The following CNTNAP2 variants were observed in gnomAD, a reference collection of about 807,000 sequenced individuals.
The protein encoded by CNTNAP2 is contactin-associated protein-like 2.
CNTNAP2 carries 98 observed loss-of-function variants against 155.2 expected under a neutral mutation model. That is an observed-to-expected ratio of 0.63 (90% CI 0.54 to 0.75). The LOEUF is 0.75. CNTNAP2 is among the 30% of genes least tolerant of loss of function. CNTNAP2 has a pLI of 0.00. For synonymous variants in CNTNAP2, 651 were observed against 631.2 expected, an observed-to-expected ratio of 1.03 and a Z score of -0.47; for missense variants, 1,727 against 1,688.1, an observed-to-expected ratio of 1.02 and a Z score of -0.40.
chr7:148,033,383 ATG>A (rs1338943120), intron 15 of CNTNAP2, among the ~76,000 whole-genome samples: 1 of 148,946 alleles, frequency 6.7e-6, no homozygotes, highest in Non-Finnish European at 1.5e-5. Flanking sequence ...AATGGGATAC[ATG>A]TTCAGAACGT....
chr7:148,059,149 G>A (rs980598391), intron 15 of CNTNAP2, among the ~76,000 whole-genome samples: 9 of 152,076 alleles, frequency 5.9e-5, no homozygotes, highest in Admixed American at 3.3e-4. Flanking sequence ...TTAGCTGGGC[G>A]TGGTGGTACA....
chr7:147,120,776 T>C (rs1235685570), intron 5 of CNTNAP2, among the ~76,000 whole-genome samples: 2 of 151,396 alleles, frequency 1.3e-5, no homozygotes, highest in African/African-American at 4.9e-5. Context: ...ATGCTATCCC[T>C]CCCCCCTACC....
chr7:147,051,021 A>G (rs993382316), intron 4 of CNTNAP2, among the ~76,000 whole-genome samples: 1 of 151,870 alleles, frequency 6.6e-6, no homozygotes, highest in Non-Finnish European at 1.5e-5. Flanking sequence ...TTCTAAGGAC[A>G]TCGGTTATTG....
intron 1 of CNTNAP2, among the ~76,000 whole-genome samples, chr7:146,708,398 G>A (rs1401468087): frequency 6.6e-6 from 1 of 151,496 alleles, no homozygotes; most frequent in Admixed American, 6.6e-5. Context: ...GCATTTTTTT[G>A]TGGTTCTCTC....
intron 1 of CNTNAP2, among the ~76,000 whole-genome samples, chr7:146,480,250 A>C (rs1044949353): frequency 6.6e-6 from 1 of 152,160 alleles, no homozygotes; most frequent in African/African-American, 2.4e-5. Context: ...TAAATTTCTA[A>C]AACGAAATTG....
chr7:148,410,806 T>C (rs539881264), intron 23 of CNTNAP2, among the ~76,000 whole-genome samples: 1 of 151,956 alleles, frequency 6.6e-6, no homozygotes. Flanking sequence ...GGAAGGAGAA[T>C]GAAGAGAAGT....
At chr7:146,259,815 G>A (rs910314379) in intron 1 of CNTNAP2, among the ~76,000 whole-genome samples, 1 of 152,198 alleles carries the variant, frequency 6.6e-6, no homozygotes, top group Non-Finnish European at 1.5e-5. Context: ...ATTTTCTTGG[G>A]AGAAATTCAA....
At chr7:147,072,755 AT>A (rs1438186590) in intron 4 of CNTNAP2, among the ~76,000 whole-genome samples, 2 of 151,928 alleles carry the variant, frequency 1.3e-5, no homozygotes, top group African/African-American at 4.8e-5. Flanking sequence ...AGAGACTCAG[AT>A]TTAAAGAAAG....
chr7:147,035,255 A>G (rs1407924397), intron 3 of CNTNAP2, among the ~76,000 whole-genome samples: 1 of 152,202 alleles, frequency 6.6e-6, no homozygotes, highest in Non-Finnish European at 1.5e-5. Flanking sequence ...CAGAGACTCC[A>G]GGGGAAGAGG....
intron 1 of CNTNAP2, among the ~76,000 whole-genome samples, chr7:146,576,454 T>G (rs1452442630): frequency 6.6e-6 from 1 of 152,166 alleles, no homozygotes; most frequent in African/African-American, 2.4e-5. Context: ...ACCCAGAGTG[T>G]GAGCAGGAGT....
chr7:148,128,515 A>G (rs1025042689), intron 16 of CNTNAP2, among the ~76,000 whole-genome samples: 1 of 152,202 alleles, frequency 6.6e-6, no homozygotes, highest in Non-Finnish European at 1.5e-5. Context: ...AGCTTTTCAT[A>G]TAATAGCTTT....
chr7:147,904,791 T>C (rs1257418683), intron 14 of CNTNAP2, among the ~76,000 whole-genome samples: 3 of 152,238 alleles, frequency 2.0e-5, no homozygotes, highest in African/African-American at 7.2e-5. Context: ...AATGTGTGTG[T>C]ATATGTGTGT....
At chr7:146,544,116 G>T (rs956121340) in intron 1 of CNTNAP2, among the ~76,000 whole-genome samples, 10 of 151,948 alleles carry the variant, frequency 6.6e-5, no homozygotes, top group African/African-American at 2.4e-4. Context: ...GGACAATTCT[G>T]AGTGATAATT....
intron 22 of CNTNAP2, among the ~76,000 whole-genome samples, chr7:148,405,714 C>G: frequency 7.4e-6 from 1 of 135,320 alleles, no homozygotes; most frequent in South Asian, 2.5e-4. Context: ...CTCCCAGGTT[C>G]AAGTGATTCT....
intron 15 of CNTNAP2, among the ~76,000 whole-genome samples, chr7:148,061,366 T>C (rs1803125810): frequency 6.6e-6 from 1 of 152,126 alleles, no homozygotes; most frequent in Admixed American, 6.5e-5. Flanking sequence ...TTATTATTTA[T>C]TTTTTGAGAC....
At chr7:147,361,145 G>T (rs1296233194) in intron 9 of CNTNAP2, among the ~76,000 whole-genome samples, 1 of 152,168 alleles carries the variant, frequency 6.6e-6, no homozygotes, top group Non-Finnish European at 1.5e-5. Context: ...TAATCTGGAA[G>T]TCCAAGGACA....
chr7:147,316,992 T>C (rs553939012), intron 9 of CNTNAP2, among the ~76,000 whole-genome samples: 10 of 152,352 alleles, frequency 6.6e-5, no homozygotes, highest in Admixed American at 3.3e-4. Flanking sequence ...GAATGTGCCA[T>C]TGCCCTCCAT....
At chr7:146,233,589 A>G (rs145741344) in intron 1 of CNTNAP2, among the ~76,000 whole-genome samples, 4,813 of 152,156 alleles carry the variant, frequency 0.032, 246 homozygotes, top group African/African-American at 0.11. Context: ...AGCATTAGGT[A>G]TATCTCCTAA....
At chr7:146,969,530 T>A (rs903229029) in intron 3 of CNTNAP2, among the ~76,000 whole-genome samples, 4 of 152,182 alleles carry the variant, frequency 2.6e-5, no homozygotes, top group Non-Finnish European at 5.9e-5. Flanking sequence ...GATAGTTAGC[T>A]CTTCTTGTTG....
Sources: gnomAD v4.1 joint callset for allele counts (sites outside exome capture counted in the v4.1 genomes callset) on GRCh38, gnomAD v4.1.1 for gene constraint, MANE v1.5 for transcripts, NCBI Gene and HGNC (gene_info 2026-07-23, HGNC 2026-07-21) for gene names.